WDFY2: variants seen among roughly 807,000 people sequenced by gnomAD.
WDFY2 encodes WD repeat and FYVE domain-containing protein 2.
WDFY2 carries 36 observed loss-of-function variants against 56.4 expected under a neutral mutation model. That is an observed-to-expected ratio of 0.64 (90% confidence interval 0.49 to 0.84). WDFY2 has a LOEUF of 0.84. Among genes scored for constraint, WDFY2 ranks in the 40% least tolerant of loss-of-function variants. The pLI, the probability that WDFY2 is intolerant of heterozygous loss-of-function variation, is 0.00. For synonymous variants in WDFY2, 176 were observed against 183.7 expected (o/e 0.96, Z 0.34); for missense variants, 444 against 512.2 (o/e 0.87, Z 1.29).
chr13:51,718,602 ACT>A (rs1555262645), intron 4 of WDFY2, among the ~76,000 whole-genome samples: 1 of 147,774 alleles, frequency 6.8e-6, no homozygotes, highest in Non-Finnish European at 1.5e-5. Flanking sequence ...ACACACACAC[ACT>A]GTAACATAAG....
Position 51,587,637 on chromosome 13 carries a change from C to T in WDFY2, c.137+2813C>T, listed in dbSNP as rs535274891. ...AAACATTTGAGTACTTACTGTGTTC[C>T]AGTCACATGCATACATGGTAATGAT... On this transcript the variant is annotated intron_variant, in intron 1 of 11. Coordinates refer to ENST00000298125, the MANE Select transcript of WDFY2 (RefSeq NM_052950.4). The T allele has an allele frequency of 1.4e-3, 216 of 152,286 alleles. 2 individuals carry two copies. The highest frequency in any genetic ancestry group is 5.1e-3 in the African/African-American group (211 of 41,544). The allele number at this position is 152,286 out of a possible 1,614,324, so 9.4% of individuals were successfully genotyped here.
At chr13:51,740,786 C>G (rs902829674) in intron 7 of WDFY2, among the ~76,000 whole-genome samples, 9 of 151,938 alleles carry the variant, frequency 5.9e-5, no homozygotes, top group African/African-American at 2.2e-4. Flanking sequence ...CAGGAAATTC[C>G]TGCCAACTTG....
intron 7 of WDFY2, among the ~76,000 whole-genome samples, chr13:51,750,248 T>A (rs1280379124): frequency 1.3e-5 from 2 of 152,202 alleles, no homozygotes; most frequent in African/African-American, 4.8e-5. Flanking sequence ...AGCACTTGTT[T>A]ATCAAACAAT....
At chr13:51,622,495 C>A (rs1271126120) in intron 1 of WDFY2, among the ~76,000 whole-genome samples, 2 of 152,208 alleles carry the variant, frequency 1.3e-5, no homozygotes, top group Non-Finnish European at 2.9e-5. Flanking sequence ...ACCATTGGCT[C>A]TTTCTCTAAT....
rs566758570 is a variant in WDFY2 at position 51,665,871 on chromosome 13, CAA to C, written c.205+5209_205+5210del. Among the ~76,000 whole-genome samples, 9 of 152,296 alleles carry C rather than the reference CAA, an allele frequency of 5.9e-5. No individual in the cohort carries two copies. The East Asian group carries it at 1.5e-3, about 26-fold the overall frequency. ...TTATAAATTTTTCCACAAAGCCAAACAAGACATTTTTTTCATTTTTTCAAAGG... is the reference window on the plus strand; with the variant it reads ...TTATAAATTTTTCCACAAAGCCAAACGACATTTTTTTCATTTTTTCAAAGG... On this transcript the variant is annotated intron_variant, in intron 2 of 11. Coordinates refer to ENST00000298125, the MANE Select transcript of WDFY2 (RefSeq NM_052950.4).
intron 4 of WDFY2, among the ~76,000 whole-genome samples, chr13:51,705,507 C>T (rs2138587991): frequency 6.6e-6 from 1 of 151,852 alleles, no homozygotes; most frequent in Middle Eastern, 3.4e-3. Flanking sequence ...TTTCTGGCAG[C>T]CATGTGGAGC....
chr13:51,755,926 A>G lies in WDFY2; in HGVS notation c.934-406A>G, dbSNP rs181154416. On this transcript the variant is annotated intron_variant, in intron 9 of 11. Transcript: ENST00000298125. The stretch of plus-strand genomic sequence containing the variant: ...AAATGTTAGGTCACCTAGGCTTACC[A>G]TGGCCAAAGTCAGCAGATTCAATCA... Among the ~76,000 whole-genome samples the G allele has an allele frequency of 1.4e-3, 213 of 152,284 alleles. 3 individuals carry two copies. The highest frequency in any genetic ancestry group is 7.4e-5 in the Non-Finnish European group (5 of 68,014).
At chr13:51,701,852 T>A (rs1244160947) in intron 3 of WDFY2, among the ~76,000 whole-genome samples, 1 of 152,186 alleles carries the variant, frequency 6.6e-6, no homozygotes, top group Non-Finnish European at 1.5e-5. Context: ...TAAATTTATT[T>A]GTGTATGTGT....
intron 2 of WDFY2, among the ~76,000 whole-genome samples, chr13:51,671,640 T>A (rs999991259): frequency 6.6e-6 from 1 of 152,120 alleles, no homozygotes; most frequent in Non-Finnish European, 1.5e-5. Flanking sequence ...TAATTGTTTG[T>A]TGTGTGCGTT....
intron 3 of WDFY2, among the ~76,000 whole-genome samples, chr13:51,682,999 A>C (rs1956003552): frequency 6.6e-6 from 1 of 152,152 alleles, no homozygotes; most frequent in African/African-American, 2.4e-5. Context: ...TCTGACATGG[A>C]CACTCTTTTT....
intron 3 of WDFY2, among the ~76,000 whole-genome samples, chr13:51,687,830 T>C (rs1337426575): frequency 6.6e-6 from 1 of 151,656 alleles, no homozygotes; most frequent in Non-Finnish European, 1.5e-5. Flanking sequence ...AGAGCTAGAG[T>C]CTCTTGAAAT....
chr13:51,622,009 T>TGA (rs1954738542), intron 1 of WDFY2, among the ~76,000 whole-genome samples: 1 of 152,180 alleles, frequency 6.6e-6, no homozygotes, highest in Non-Finnish European at 1.5e-5. Context: ...AGTGTGTGTG[T>TGA]GAGAGAGAGA....
chr13:51,624,032 T>C (rs553738006), intron 1 of WDFY2, among the ~76,000 whole-genome samples: 1 of 152,306 alleles, frequency 6.6e-6, no homozygotes, highest in South Asian at 2.1e-4. Context: ...GATTGACCCC[T>C]ATTTTAAGAT....
At chr13:51,627,511 G>A (rs1328352176) in intron 1 of WDFY2, among the ~76,000 whole-genome samples, 1 of 152,020 alleles carries the variant, frequency 6.6e-6, no homozygotes, top group Non-Finnish European at 1.5e-5. Context: ...TGGGATTATG[G>A]ACACCTGCCA....
At chr13:51,612,628 T>C (rs1355993721) in intron 1 of WDFY2, among the ~76,000 whole-genome samples, 3 of 152,240 alleles carry the variant, frequency 2.0e-5, no homozygotes, top group Non-Finnish European at 4.4e-5. Context: ...AGTATTAAAA[T>C]AATAACTAAC....
intron 1 of WDFY2, among the ~76,000 whole-genome samples, chr13:51,625,838 A>G (rs1014364703): frequency 1.3e-5 from 2 of 152,254 alleles, no homozygotes; most frequent in African/African-American, 4.8e-5. Flanking sequence ...GCTGATATCA[A>G]TGGAGGGAAT....
At chr13:51,636,950 A>G (rs1955067297) in intron 1 of WDFY2, among the ~76,000 whole-genome samples, 1 of 152,262 alleles carries the variant, frequency 6.6e-6, no homozygotes, top group Non-Finnish European at 1.5e-5. Flanking sequence ...TACAAAGCAG[A>G]TCATAGACTT....
intron 1 of WDFY2, among the ~76,000 whole-genome samples, chr13:51,654,202 C>T (rs1161688221): frequency 6.6e-6 from 1 of 152,216 alleles, no homozygotes; most frequent in Admixed American, 6.5e-5. Context: ...ACCCTCCGAG[C>T]CAGGCGCGGG....
At chr13:51,699,483 T>TA (rs1194424967) in intron 3 of WDFY2, among the ~76,000 whole-genome samples, 4 of 152,194 alleles carry the variant, frequency 2.6e-5, no homozygotes, top group African/African-American at 7.2e-5. Context: ...GCATTAGACT[T>TA]ACGCTTTGCT....
Sources: allele counts gnomAD v4.1 joint callset (sites outside exome capture counted in the v4.1 genomes callset), GRCh38; gene constraint gnomAD v4.1.1; transcripts MANE v1.5; gene names NCBI Gene and HGNC (gene_info 2026-07-23, HGNC 2026-07-21).